The following PRIM2 variants were observed in gnomAD, a reference collection of about 807,000 sequenced individuals.
PRIM2 encodes DNA primase large subunit.
A neutral mutation model predicts 67.3 loss-of-function variants in PRIM2; 39 were observed. The observed-to-expected ratio is 0.58, with a 90% confidence interval of 0.45 to 0.76. The LOEUF (loss-of-function observed/expected upper bound fraction) is 0.76, where lower values mean the gene tolerates loss of function less well. Ranked by LOEUF, PRIM2 falls within the 30% of genes least tolerant of loss-of-function variation. The probability of loss-of-function intolerance (pLI) is 0.00; values close to 1 mark genes in which losing one functional copy is unlikely to be tolerated. For synonymous variants in PRIM2, 143 were observed against 198.7 expected, an observed-to-expected ratio of 0.72 and a Z score of 2.36; for missense variants, 398 against 598.7, an observed-to-expected ratio of 0.66 and a Z score of 3.50.
chr6:57,378,341 T>G (rs1769840776), intron 5 of PRIM2, among the ~76,000 whole-genome samples: 1 of 151,920 alleles, frequency 6.6e-6, no homozygotes, highest in African/African-American at 2.4e-5. Context: ...GCTGGGATTA[T>G]AGACGTGAGC....
chr6:57,449,265 G>T (rs1260733340), intron 7 of PRIM2, among the ~76,000 whole-genome samples: 1 of 152,034 alleles, frequency 6.6e-6, no homozygotes, highest in Non-Finnish European at 1.5e-5. Context: ...TTGAATCAAA[G>T]AATTATGATC....
At chr6:57,537,403 C>T (rs1461523557) in intron 9 of PRIM2, 37 bp from the exon 10 acceptor site, 33 of 1,084,328 alleles carry the variant, frequency 3.0e-5, no homozygotes, top group Non-Finnish European at 4.1e-5. Flanking sequence ...GATAAGTCTT[C>T]CACTTAACTT....
intron 8 of PRIM2, among the ~76,000 whole-genome samples, chr6:57,529,769 G>A (rs1774847393): frequency 6.6e-6 from 1 of 151,988 alleles, no homozygotes; most frequent in Non-Finnish European, 1.5e-5. Context: ...AAACAAACAA[G>A]TTTATTAACA....
chr6:57,263,166 A>G, the PRIM2 span, among the ~76,000 whole-genome samples: 1 of 152,330 alleles, frequency 6.6e-6, no homozygotes, highest in African/African-American at 2.4e-5. Flanking sequence ...AGTTCAATTT[A>G]TGTGTCATTT....
chr6:57,330,383 G>GTTTTTTTTT (rs60270076), intron 5 of PRIM2, among the ~76,000 whole-genome samples: 2 of 99,548 alleles, frequency 2.0e-5, no homozygotes, highest in Admixed American at 1.1e-4. Context: ...TTGTTTTTTT[G>GTTTTTTTTT]TTTTTTTTTT....
rs1407177841 is a variant in PRIM2 at position 57,526,245 on chromosome 6, GT to G, written c.762-6162del. ...ATATTCACTGAACCACATCTTTATTGTTTTCACTACTTTTCTATAACTTGAG... is the reference window on the plus strand; with the variant it reads ...ATATTCACTGAACCACATCTTTATTGTTTCACTACTTTTCTATAACTTGAG... On this transcript the variant is annotated intron_variant, in intron 8 of 13. Coordinates refer to ENST00000615550, the MANE Select transcript of PRIM2 (RefSeq NM_000947.5). Among the ~76,000 whole-genome samples, 4 of 152,088 alleles carry G rather than the reference GT, an allele frequency of 2.6e-5. No homozygotes were observed. The East Asian group carries it at 7.7e-4, about 29-fold the overall frequency.
intron 10 of PRIM2, among the ~76,000 whole-genome samples, chr6:57,538,181 AT>A (rs1296946361): frequency 6.6e-6 from 1 of 151,622 alleles, no homozygotes. Context: ...TGCCTGGCTA[AT>A]TTTTTTCTTT....
intron 5 of PRIM2, among the ~76,000 whole-genome samples, chr6:57,365,444 T>G (rs1769325334): frequency 6.6e-6 from 1 of 152,024 alleles, no homozygotes; most frequent in African/African-American, 2.4e-5. Flanking sequence ...TGTGTATGAA[T>G]TTTTGTGCCT....
the PRIM2 span, among the ~76,000 whole-genome samples, chr6:57,243,564 G>C: frequency 5.9e-5 from 9 of 152,174 alleles, no homozygotes; most frequent in Admixed American, 5.2e-4. Flanking sequence ...CGCCTGCCGG[G>C]TTCAAATGAT....
chr6:57,606,146 G>A (rs1776557412), intron 11 of PRIM2, among the ~76,000 whole-genome samples: 1 of 152,214 alleles, frequency 6.6e-6, no homozygotes, highest in African/African-American at 2.4e-5. Context: ...GCCTGAGAAT[G>A]CTGCAATGTT....
At chr6:57,578,798 T>A (rs1473579900) in intron 10 of PRIM2, among the ~76,000 whole-genome samples, 6 of 149,418 alleles carry the variant, frequency 4.0e-5, no homozygotes, top group Non-Finnish European at 5.9e-5. Flanking sequence ...TGCCTCAGCC[T>A]CCCGAGTAGC....
chr6:57,541,185 T>A (rs1775141426), intron 10 of PRIM2, among the ~76,000 whole-genome samples: 1 of 152,222 alleles, frequency 6.6e-6, no homozygotes. Flanking sequence ...TGTAAATAGA[T>A]AATGTAAACT....
intron 7 of PRIM2, among the ~76,000 whole-genome samples, chr6:57,475,186 C>T (rs1773446454): frequency 6.6e-6 from 1 of 152,148 alleles, no homozygotes; most frequent in African/African-American, 2.4e-5. Flanking sequence ...CTTCCTCCTC[C>T]TACAACTTTT....
chr6:57,540,699 C>T (rs1775130247), intron 10 of PRIM2, among the ~76,000 whole-genome samples: 1 of 152,080 alleles, frequency 6.6e-6, no homozygotes, highest in South Asian at 2.1e-4. Flanking sequence ...AACACATGCA[C>T]ACAAATGTAC....
upstream of PRIM2, among the ~76,000 whole-genome samples, chr6:57,310,918 A>G (rs9475831): frequency 0.57 from 74,532 of 130,434 alleles, 20,181 homozygotes; most frequent in African/African-American, 0.72. Context: ...GGGCAGAGAC[A>G]CCCCTCGCCT....
At chr6:57,491,302 T>A (rs1444143664) in intron 7 of PRIM2, among the ~76,000 whole-genome samples, 1 of 152,234 alleles carries the variant, frequency 6.6e-6, no homozygotes, top group Non-Finnish European at 1.5e-5. Context: ...ATCACCTATA[T>A]AACGTATAAT....
rs1435002930 is a variant in PRIM2, at chr6:57,507,276, T to G, written c.694-111T>G. 165 of 800,810 alleles carry G rather than the reference T, an allele frequency of 2.1e-4. No individual in the cohort carries two copies. The African/African-American group carries it at 2.6e-3, about 13-fold the overall frequency. 49.6% of individuals were successfully genotyped at this position (800,810 alleles called of 1,614,324 possible). ...GAAAAAAGAGAAATAGAACCTTATA[T>G]TTTTAAGTATTGCCTCCCTATCTGC... On this transcript the variant is annotated intron_variant, in intron 7 of 13. Transcript: ENST00000615550.
intron 9 of PRIM2, among the ~76,000 whole-genome samples, chr6:57,534,663 A>G (rs1451853590): frequency 6.6e-6 from 1 of 152,150 alleles, no homozygotes; most frequent in Non-Finnish European, 1.5e-5. Flanking sequence ...GTGGGTTTTT[A>G]TCATATGTAG....
At chr6:57,422,527 GA>G (rs1771498226) in intron 7 of PRIM2, among the ~76,000 whole-genome samples, 1 of 152,074 alleles carries the variant, frequency 6.6e-6, no homozygotes, top group Admixed American at 6.6e-5. Flanking sequence ...AATGGAATAT[GA>G]TGACCTGAGT....
Sources: allele counts gnomAD v4.1 joint callset (sites outside exome capture counted in the v4.1 genomes callset), GRCh38; gene constraint gnomAD v4.1.1; transcripts MANE v1.5; gene names NCBI Gene and HGNC (gene_info 2026-07-23, HGNC 2026-07-21).